The following DCC variants were observed in gnomAD, a reference collection of about 807,000 sequenced individuals.
DCC encodes the protein netrin receptor DCC.
Under a neutral mutation model 172.5 loss-of-function variants are expected in DCC, and 58 were observed. That is an observed-to-expected ratio of 0.34 (90% CI 0.27 to 0.42). DCC has a LOEUF of 0.42. Among genes scored for constraint, DCC ranks in the 10% least tolerant of loss-of-function variants. DCC has a pLI of 1.00. For missense variants in DCC, 1,740 were observed against 1,791.0 expected (o/e 0.97, Z 0.51); for synonymous variants, 709 against 644.5 (o/e 1.10, Z -1.52).
At chr18:53,259,046 T>C (rs1380244907) in intron 12 of DCC, among the ~76,000 whole-genome samples, 5 of 152,206 alleles carry the variant, frequency 3.3e-5, no homozygotes, top group Admixed American at 2.6e-4. Context: ...GCCTTTTTTT[T>C]GTTTTCCATT....
At chr18:53,084,774 G>A (rs531922979) in intron 7 of DCC, among the ~76,000 whole-genome samples, 1 of 152,298 alleles carries the variant, frequency 6.6e-6, no homozygotes, top group South Asian at 2.1e-4. Flanking sequence ...ACAAACATAT[G>A]TAATTTGAAG....
chr18:52,802,738 T>A (rs993681878), intron 2 of DCC, among the ~76,000 whole-genome samples: 6 of 135,806 alleles, frequency 4.4e-5, no homozygotes, highest in Non-Finnish European at 1.5e-5. Context: ...ACTCCTGGGC[T>A]GAAGTCATCC....
At chr18:52,367,186 C>T (rs1248882737) in intron 1 of DCC, among the ~76,000 whole-genome samples, 1 of 151,766 alleles carries the variant, frequency 6.6e-6, no homozygotes, top group Non-Finnish European at 1.5e-5. Context: ...CAGGGCTGGC[C>T]GACTGCTCTG....
At chr18:53,163,852 A>C (rs552994237) in intron 8 of DCC, among the ~76,000 whole-genome samples, 1 of 152,198 alleles carries the variant, frequency 6.6e-6, no homozygotes, top group Non-Finnish European at 1.5e-5. Flanking sequence ...TGATCAGAGG[A>C]AAGTCCATGC....
chr18:53,170,452 C>G (rs955631720), intron 8 of DCC, among the ~76,000 whole-genome samples: 8 of 152,062 alleles, frequency 5.3e-5, no homozygotes, highest in Non-Finnish European at 1.2e-4. Context: ...GGGGGCAAGC[C>G]CCAATGTCAG....
At chr18:52,596,036 A>G (rs1568247103) in intron 1 of DCC, among the ~76,000 whole-genome samples, 2 of 152,228 alleles carry the variant, frequency 1.3e-5, no homozygotes, top group East Asian at 3.9e-4. Flanking sequence ...CAACCTGTAC[A>G]GACTACAGCT....
chr18:53,092,357 T>C (rs1171517108), intron 7 of DCC, among the ~76,000 whole-genome samples: 1 of 152,198 alleles, frequency 6.6e-6, no homozygotes, highest in Non-Finnish European at 1.5e-5. Flanking sequence ...TGTCTTTCTT[T>C]CTATTTTGCC....
chr18:52,409,658 CTA>C (rs1986777726), intron 1 of DCC, among the ~76,000 whole-genome samples: 2 of 152,210 alleles, frequency 1.3e-5, no homozygotes, highest in East Asian at 3.9e-4. Flanking sequence ...AATTCATGAG[CTA>C]TTTATCAGTT....
At chr18:53,493,434 G>T (rs1309600514) in intron 26 of DCC, among the ~76,000 whole-genome samples, 1 of 152,136 alleles carries the variant, frequency 6.6e-6, no homozygotes, top group African/African-American at 2.4e-5. Flanking sequence ...TCCAGTTTTT[G>T]CCCATTCAGT....
intron 1 of DCC, among the ~76,000 whole-genome samples, chr18:52,453,651 T>TATTATTTGAGAATAATAG (rs1200169242): frequency 2.0e-5 from 3 of 152,234 alleles, no homozygotes; most frequent in Non-Finnish European, 4.4e-5. Context: ...TCTGTGCCTT[T>TATTATTTGAGAATAATAG]AACCCTCTAT....
At chr18:52,881,799 C>G (rs2039489285) in intron 2 of DCC, among the ~76,000 whole-genome samples, 1 of 151,888 alleles carries the variant, frequency 6.6e-6, no homozygotes, top group Non-Finnish European at 1.5e-5. Context: ...TTCTGTGGTT[C>G]CATATAAATT....
chr18:52,960,471 T>C (rs1217320241), intron 5 of DCC, among the ~76,000 whole-genome samples: 3 of 152,164 alleles, frequency 2.0e-5, no homozygotes, highest in Admixed American at 6.5e-5. Context: ...ATACTTTCTT[T>C]TTCTTTTTAT....
intron 5 of DCC, among the ~76,000 whole-genome samples, chr18:52,968,340 G>A (rs1470092042): frequency 6.6e-6 from 1 of 152,128 alleles, no homozygotes; most frequent in Non-Finnish European, 1.5e-5. Context: ...AGGGACTAAG[G>A]AAAAGTATTA....
intron 15 of DCC, among the ~76,000 whole-genome samples, chr18:53,382,317 C>A (rs11872738): frequency 0.43 from 64,539 of 151,832 alleles, 15,478 homozygotes; most frequent in Non-Finnish European, 0.55. Flanking sequence ...CGTAGTCCAT[C>A]CTGCAATAAC....
At chr18:52,922,118 T>C (rs2040136019) in intron 3 of DCC, among the ~76,000 whole-genome samples, 1 of 152,216 alleles carries the variant, frequency 6.6e-6, no homozygotes, top group Admixed American at 6.5e-5. Context: ...GAGACATTTT[T>C]CTACAGTATT....
chr18:53,080,015 T>C (rs776593235), intron 7 of DCC, among the ~76,000 whole-genome samples: 2 of 151,916 alleles, frequency 1.3e-5, no homozygotes, highest in Non-Finnish European at 2.9e-5. Context: ...TCTATTTCTG[T>C]TTTTTAAAGA....
chr18:53,057,822 A>T (rs1002916253), intron 5 of DCC, among the ~76,000 whole-genome samples: 4 of 152,154 alleles, frequency 2.6e-5, no homozygotes, highest in African/African-American at 9.6e-5. Flanking sequence ...CGTAATGTGC[A>T]AAGGGATTTA....
At chr18:52,828,629 G>A (rs889798555) in intron 2 of DCC, among the ~76,000 whole-genome samples, 2 of 152,036 alleles carry the variant, frequency 1.3e-5, no homozygotes, top group African/African-American at 4.8e-5. Context: ...TGTAATGGGG[G>A]CTTCGGCCAA....
At chr18:53,376,840 AAG>A (rs1568091745) in intron 15 of DCC, among the ~76,000 whole-genome samples, 1 of 152,178 alleles carries the variant, frequency 6.6e-6, no homozygotes, top group East Asian at 1.9e-4. Flanking sequence ...CTCAAAATTT[AAG>A]AGTCACTCTT....
Sources: allele counts gnomAD v4.1 joint callset (sites outside exome capture counted in the v4.1 genomes callset), GRCh38; gene constraint gnomAD v4.1.1; transcripts MANE v1.5; gene names NCBI Gene and HGNC (gene_info 2026-07-23, HGNC 2026-07-21).